SCRG1: variants seen among roughly 807,000 people sequenced by gnomAD.
The protein encoded by SCRG1 is stimulator of chondrogenesis 1.
SCRG1 carries 3 observed loss-of-function variants against 7.7 expected under a neutral mutation model. The observed-to-expected ratio is 0.39, with a 90% CI of 0.18 to 1.01. SCRG1 has a LOEUF of 1.01. Among genes scored for constraint, SCRG1 ranks in the 50% least tolerant of loss-of-function variants. The pLI is 0.36. For synonymous variants in SCRG1, 46 were observed against 41.2 expected (o/e 1.12, Z -0.44); for missense variants, 110 against 117.2 (o/e 0.94, Z 0.28).
chr4:173,486,697 A>G, the SCRG1 span, among the ~76,000 whole-genome samples: 7 of 152,088 alleles, frequency 4.6e-5, no homozygotes, highest in Admixed American at 6.6e-5. Context: ...CAATAGTAGC[A>G]TCAGAATTTT....
the SCRG1 span, among the ~76,000 whole-genome samples, chr4:173,457,054 A>G: frequency 2.0e-5 from 3 of 152,370 alleles, no homozygotes; most frequent in South Asian, 6.2e-4. Flanking sequence ...AAGAGATAAA[A>G]GAGAATTAGG....
the SCRG1 span, among the ~76,000 whole-genome samples, chr4:173,442,234 C>T: frequency 6.6e-6 from 1 of 152,122 alleles, no homozygotes; most frequent in African/African-American, 2.4e-5. Context: ...TGCTGCCTTG[C>T]CTTATTTCTG....
At chr4:173,453,213 T>C in the SCRG1 span, among the ~76,000 whole-genome samples, 430 of 152,326 alleles carry the variant, frequency 2.8e-3, no homozygotes, top group African/African-American at 7.4e-3. Flanking sequence ...ACCTGCCCTT[T>C]TCTCCAGAGA....
the SCRG1 span, among the ~76,000 whole-genome samples, chr4:173,439,142 G>A: frequency 3.9e-5 from 6 of 152,166 alleles, no homozygotes; most frequent in Non-Finnish European, 7.3e-5. Flanking sequence ...AAATGGCAGA[G>A]TCACAAGATG....
chr4:173,447,531 G>T, the SCRG1 span, among the ~76,000 whole-genome samples: 1 of 152,172 alleles, frequency 6.6e-6, no homozygotes. Context: ...AAACAGGAAC[G>T]CAAAATTCAC....
the SCRG1 span, among the ~76,000 whole-genome samples, chr4:173,506,895 C>A: frequency 6.6e-6 from 1 of 152,214 alleles, no homozygotes; most frequent in South Asian, 2.1e-4. This position sits in a 1 kb window ranked among gnomAD's most constrained non-coding sequence, Gnocchi z 5.3. Context: ...ATGCTGGGAA[C>A]CGTCGCTTCT....
At chr4:173,408,991 C>CAAAAAAAAAAAAAAAAA (rs991902394), upstream of SCRG1, among the ~76,000 whole-genome samples, 22 of 51,200 alleles carry the variant, frequency 4.3e-4, no homozygotes, top group East Asian at 7.9e-4. Flanking sequence ...GACTCAGTCT[C>CAAAAAAAAAAAAAAAAA]AAAAAAAAAA....
chr4:173,436,157 G>A, the SCRG1 span, among the ~76,000 whole-genome samples: 1 of 152,174 alleles, frequency 6.6e-6, no homozygotes, highest in Non-Finnish European at 1.5e-5. Context: ...TCTGGTTTGG[G>A]TTATATCATT....
the SCRG1 span, among the ~76,000 whole-genome samples, chr4:173,483,190 TG>T: frequency 1.6e-5 from 2 of 123,196 alleles, no homozygotes; most frequent in Non-Finnish European, 3.3e-5. Flanking sequence ...ATATTATATA[TG>T]ATATATATTA....
At chr4:173,461,749 G>A in the SCRG1 span, among the ~76,000 whole-genome samples, 1 of 151,982 alleles carries the variant, frequency 6.6e-6, no homozygotes, top group African/African-American at 2.4e-5. Context: ...TGGAGAAACA[G>A]AGATACGTGA....
At chr4:173,476,363 A>AAAAAAATAT in the SCRG1 span, among the ~76,000 whole-genome samples, 4 of 98,476 alleles carry the variant, frequency 4.1e-5, no homozygotes, top group South Asian at 6.7e-4. Context: ...GGAAAAAAAA[A>AAAAAAATAT]ATATATATAT....
the SCRG1 span, among the ~76,000 whole-genome samples, chr4:173,497,781 C>T: frequency 6.6e-6 from 1 of 150,698 alleles, no homozygotes; most frequent in Non-Finnish European, 1.5e-5. Flanking sequence ...AGCAATTCTC[C>T]TGCCTTAGCC....
the SCRG1 span, among the ~76,000 whole-genome samples, chr4:173,513,628 A>G: frequency 2.6e-5 from 4 of 152,340 alleles, no homozygotes; most frequent in East Asian, 7.7e-4. Flanking sequence ...TTTCAATTGT[A>G]TGCTTAGCTT....
chr4:173,432,287 C>T, the SCRG1 span, among the ~76,000 whole-genome samples: 2 of 145,256 alleles, frequency 1.4e-5, no homozygotes, highest in Non-Finnish European at 1.5e-5. Flanking sequence ...TTCTTCCTTC[C>T]TTCCTTCCTC....
the SCRG1 span, among the ~76,000 whole-genome samples, chr4:173,516,741 C>T: frequency 2.6e-5 from 4 of 152,200 alleles, no homozygotes; most frequent in Non-Finnish European, 4.4e-5. Context: ...TATTGACAGA[C>T]GCCCAGGGAA....
chr4:173,484,016 ATATAT>A, the SCRG1 span, among the ~76,000 whole-genome samples: 21 of 89,988 alleles, frequency 2.3e-4, no homozygotes, highest in African/African-American at 6.6e-4. Context: ...ATATTATATA[ATATAT>A]TATAATATAC....
At chr4:173,509,416 G>A in the SCRG1 span, among the ~76,000 whole-genome samples, 5 of 152,150 alleles carry the variant, frequency 3.3e-5, no homozygotes, top group African/African-American at 9.7e-5. The surrounding 1 kb of genome is among the most constrained non-coding windows in gnomAD (Gnocchi z 5.7). Flanking sequence ...GGAGCACGAC[G>A]GATAGAATGC....
chr4:173,429,458 A>T, the SCRG1 span, among the ~76,000 whole-genome samples: 5 of 151,950 alleles, frequency 3.3e-5, no homozygotes, highest in African/African-American at 1.2e-4. Context: ...ATGCCTGGCT[A>T]ATTTTATTTT....
chr4:173,483,082 ATT>A, the SCRG1 span, among the ~76,000 whole-genome samples: 1 of 121,322 alleles, frequency 8.2e-6, no homozygotes. Flanking sequence ...TTTTATATAT[ATT>A]ATATAATTTA....
Sources: gnomAD v4.1 joint callset for allele counts (sites outside exome capture counted in the v4.1 genomes callset) on GRCh38, gnomAD v4.1.1 for gene constraint, Gnocchi (gnomAD v3.1) non-coding constraint, MANE v1.5 for transcripts, NCBI Gene and HGNC (gene_info 2026-07-23, HGNC 2026-07-21) for gene names.